Variants in PPM1H observed in about 807,000 individuals in gnomAD.
PPM1H encodes protein phosphatase, Mg2+/Mn2+ dependent 1H.
A neutral mutation model predicts 54.9 loss-of-function variants in PPM1H; 27 were observed. That is an observed-to-expected ratio of 0.49 (90% CI 0.36 to 0.68). The LOEUF is 0.68. Among genes scored for constraint, PPM1H ranks in the 30% least tolerant of loss-of-function variants. The pLI is 0.00. For missense variants in PPM1H, 596 were observed against 667.8 expected (o/e 0.89, Z 1.19); for synonymous variants, 305 against 270.8 (o/e 1.13, Z -1.24).
At chr12:62,822,374 C>G (rs986468556) in intron 2 of PPM1H, among the ~76,000 whole-genome samples, 15 of 152,204 alleles carry the variant, frequency 9.9e-5, no homozygotes, top group African/African-American at 3.6e-4. Context: ...ATATCCAGGA[C>G]TTGAACTCAG....
At chr12:62,834,378 C>T (rs1325945967) in intron 1 of PPM1H, among the ~76,000 whole-genome samples, 1 of 152,182 alleles carries the variant, frequency 6.6e-6, no homozygotes, top group East Asian at 1.9e-4. Context: ...GTTAATCCTA[C>T]CGCATTTACT....
intron 3 of PPM1H, among the ~76,000 whole-genome samples, chr12:62,799,868 G>A (rs759682842): frequency 1.5e-4 from 23 of 152,090 alleles, no homozygotes; most frequent in African/African-American, 4.6e-4. Flanking sequence ...CAGGCATCCC[G>A]GTGGTGCTCT....
In PPM1H at chr12:62,664,945, T is replaced by C. The variant is rs141129513; in HGVS notation, c.1397+2233A>G. On this transcript the variant is annotated intron_variant, in intron 9 of 9. Coordinates refer to ENST00000228705, the MANE Select transcript of PPM1H (RefSeq NM_020700.2). ...ATATAATCCCACCATTGGCACCGTT[T>C]ACTTTTGAAAGTTGGCTGTCAGTCT... Among the ~76,000 whole-genome samples the C allele has an allele frequency of 3.8e-3, 578 of 152,218 alleles. 2 individuals are homozygous for C. The highest frequency in any genetic ancestry group is 9.1e-3 in the Admixed American group (139 of 15,298).
intron 9 of PPM1H, among the ~76,000 whole-genome samples, chr12:62,660,657 A>C (rs2075877578): frequency 6.6e-6 from 1 of 152,228 alleles, no homozygotes; most frequent in Non-Finnish European, 1.5e-5. Flanking sequence ...AGGAAACCAG[A>C]GCCCTGTCTC....
chr12:62,699,668 T>G (rs1363942415), intron 6 of PPM1H, among the ~76,000 whole-genome samples: 1 of 152,238 alleles, frequency 6.6e-6, no homozygotes, highest in Non-Finnish European at 1.5e-5. Context: ...AGATGGACAC[T>G]GTCCTCATGG....
At chr12:62,861,144 G>T (rs1869587279) in intron 1 of PPM1H, among the ~76,000 whole-genome samples, 1 of 152,192 alleles carries the variant, frequency 6.6e-6, no homozygotes, top group African/African-American at 2.4e-5. Flanking sequence ...ACTAGACTAG[G>T]TTAAAATCCC....
chr12:62,773,537 C>T (rs1331990454), intron 4 of PPM1H, among the ~76,000 whole-genome samples: 2 of 152,110 alleles, frequency 1.3e-5, no homozygotes, highest in Admixed American at 1.3e-4. Flanking sequence ...CCACTTCTCA[C>T]ATTGAAGGGC....
At chr12:62,678,826 G>C (rs1373949747) in intron 8 of PPM1H, among the ~76,000 whole-genome samples, 2 of 152,146 alleles carry the variant, frequency 1.3e-5, no homozygotes, top group Admixed American at 1.3e-4. Context: ...AAGCAGCTGG[G>C]ATTACAGGCA....
chr12:62,694,091 G>A (rs1592547576), intron 6 of PPM1H, 92 bp from the exon 7 acceptor site: 3 of 1,146,878 alleles, frequency 2.6e-6, no homozygotes, highest in Middle Eastern at 1.9e-4. Context: ...CATTTTCCCT[G>A]AGACCCCATC....
intron 1 of PPM1H, among the ~76,000 whole-genome samples, chr12:62,892,634 C>T (rs1215948102): frequency 1.3e-5 from 2 of 152,150 alleles, no homozygotes; most frequent in African/African-American, 4.8e-5. Flanking sequence ...TTATATGCAA[C>T]TAAACTCAAT....
rs552611571 is a variant in PPM1H at position 62,646,786 on chromosome 12, C to A, written c.*1703G>T. On this transcript the variant is annotated 3_prime_UTR_variant, in exon 10 of 10. Coordinates refer to ENST00000228705, the MANE Select transcript of PPM1H (RefSeq NM_020700.2). ...CTGTCTCCACACCCTGGAATGAGTT[C>A]TTTCCTGAGCAGGAGGGGCTCCAGG... 2.2e-4 allele frequency: 33 copies of A among 152,342 alleles called. No individual in the cohort carries two copies. Among genetic ancestry groups the A allele is most frequent in the Admixed American group, 2.0e-3 (31 of 15,302 alleles). The allele number at this position is 152,342 out of a possible 1,614,324, so 9.4% of individuals were successfully genotyped here. A position where few individuals can be genotyped will look rare whatever the true frequency, so the allele number is the denominator to read the frequency against.
At chr12:62,654,330 T>C (rs1464021269) in intron 9 of PPM1H, among the ~76,000 whole-genome samples, 1 of 149,240 alleles carries the variant, frequency 6.7e-6, no homozygotes, top group Admixed American at 6.7e-5. Flanking sequence ...AATGGCCGAG[T>C]TTAACTATCA....
At chr12:62,882,133 A>G (rs1870418895) in intron 1 of PPM1H, among the ~76,000 whole-genome samples, 1 of 152,250 alleles carries the variant, frequency 6.6e-6, no homozygotes, top group East Asian at 1.9e-4. Flanking sequence ...TATGCAAAAG[A>G]TGAGGGAATA....
At chr12:62,911,617 T>C (rs555324840) in intron 1 of PPM1H, among the ~76,000 whole-genome samples, 3 of 152,212 alleles carry the variant, frequency 2.0e-5, no homozygotes, top group Non-Finnish European at 4.4e-5. Context: ...CACATCAGTT[T>C]CTACTTTCAG....
intron 1 of PPM1H, among the ~76,000 whole-genome samples, chr12:62,922,003 T>A (rs558150956): frequency 6.6e-6 from 1 of 152,328 alleles, no homozygotes; most frequent in East Asian, 1.9e-4. Context: ...CATCACTACA[T>A]AAAATGTACA....
chr12:62,898,987 G>A (rs921138044), intron 1 of PPM1H, among the ~76,000 whole-genome samples: 8 of 152,282 alleles, frequency 5.3e-5, no homozygotes, highest in Middle Eastern at 3.4e-3. Flanking sequence ...TGAGTGGTTA[G>A]GGGATGTTGA....
chr12:62,660,192 A>G (rs552050566), intron 9 of PPM1H, among the ~76,000 whole-genome samples: 79 of 152,320 alleles, frequency 5.2e-4, no homozygotes, highest in South Asian at 1.0e-3. Flanking sequence ...TGAGCCTCCC[A>G]AGGAGACATC....
intron 4 of PPM1H, among the ~76,000 whole-genome samples, chr12:62,753,007 G>C (rs1379620073): frequency 6.6e-6 from 1 of 152,056 alleles, no homozygotes; most frequent in Non-Finnish European, 1.5e-5. Flanking sequence ...AGACACAGTT[G>C]GAAATGTGGG....
chr12:62,866,755 C>T (rs1171104681), intron 1 of PPM1H, among the ~76,000 whole-genome samples: 2 of 152,110 alleles, frequency 1.3e-5, no homozygotes, highest in Admixed American at 1.3e-4. Context: ...AACAGTGTGA[C>T]ATAATAAATA....
Sources: allele counts gnomAD v4.1 joint callset (sites outside exome capture counted in the v4.1 genomes callset), GRCh38; gene constraint gnomAD v4.1.1; transcripts MANE v1.5; gene names NCBI Gene and HGNC (gene_info 2026-07-23, HGNC 2026-07-21).